PHACTR3: variants seen among roughly 807,000 people sequenced by gnomAD.
The protein encoded by PHACTR3 is phosphatase and actin regulator 3, also known as protein phosphatase 1, regulatory subunit 123.
PHACTR3 carries 16 observed loss-of-function variants against 66.8 expected under a neutral mutation model. The observed-to-expected ratio is 0.24, with a 90% CI of 0.16 to 0.36. The LOEUF (loss-of-function observed/expected upper bound fraction) is 0.36, where lower values mean the gene tolerates loss of function less well. Ranked by LOEUF, PHACTR3 falls within the 10% of genes least tolerant of loss-of-function variation. PHACTR3 has a pLI of 1.00. For synonymous variants in PHACTR3, 323 were observed against 292.1 expected (o/e 1.11, Z -1.08); for missense variants, 647 against 719.9 (o/e 0.90, Z 1.16).
rs569095043 is a variant in PHACTR3 at position 59,833,845 on chromosome 20, A to C, written c.1329-2660A>C. Reference sequence around the variant, plus strand: ...GCAAGGGTGCAATGGGCAGCACAGTAGAGAAGGGGCTGCTGGAAAGAGGCA... The same window carrying C: ...GCAAGGGTGCAATGGGCAGCACAGTCGAGAAGGGGCTGCTGGAAAGAGGCA... On this transcript the variant is annotated intron_variant, in intron 8 of 12. Transcript: ENST00000371015. Among the ~76,000 whole-genome samples the C allele has an allele frequency of 9.2e-5, 14 of 152,358 alleles. No homozygotes were observed. In the South Asian group the frequency reaches 2.9e-3, roughly 32 times the overall value.
chr20:59,628,645 A>C (rs956948265), intron 1 of PHACTR3: 22 of 985,308 alleles, frequency 2.2e-5, no homozygotes, highest in Admixed American at 6.1e-5. Flanking sequence ...GGAGAGGATC[A>C]GTTCATTCTC....
intron 1 of PHACTR3, among the ~76,000 whole-genome samples, chr20:59,661,298 G>A (rs2035795737): frequency 6.6e-6 from 1 of 152,172 alleles, no homozygotes; most frequent in Non-Finnish European, 1.5e-5. Flanking sequence ...TCAGACAGAG[G>A]TCCTGAGCAG....
At chr20:59,618,125 G>C (rs2034101196) in intron 1 of PHACTR3, among the ~76,000 whole-genome samples, 1 of 152,218 alleles carries the variant, frequency 6.6e-6, no homozygotes, top group Non-Finnish European at 1.5e-5. Context: ...GAAAGGGAAA[G>C]GTATGCTAGG....
chr20:59,580,863 GAC>G (rs1188887900), intron 1 of PHACTR3, among the ~76,000 whole-genome samples: 6 of 152,208 alleles, frequency 3.9e-5, no homozygotes, highest in Non-Finnish European at 7.3e-5. Context: ...AAATGGACTA[GAC>G]ACACAGAAGC....
intron 1 of PHACTR3, among the ~76,000 whole-genome samples, chr20:59,708,816 G>A (rs867560064): frequency 3.3e-5 from 5 of 152,200 alleles, no homozygotes; most frequent in African/African-American, 1.2e-4. Context: ...ACAGGGATAG[G>A]ATAACTGCAG....
chr20:59,689,879 C>T (rs971419013), intron 1 of PHACTR3, among the ~76,000 whole-genome samples: 5 of 152,178 alleles, frequency 3.3e-5, no homozygotes, highest in Non-Finnish European at 5.9e-5. Flanking sequence ...CCCCCAGCCA[C>T]ACCAGGAAGG....
At chr20:59,786,675 C>T (rs1568821810) in intron 7 of PHACTR3, among the ~76,000 whole-genome samples, 1 of 151,992 alleles carries the variant, frequency 6.6e-6, no homozygotes, top group Non-Finnish European at 1.5e-5. Flanking sequence ...GTCCATGGAG[C>T]GCTGTCTGTG....
chr20:59,734,967 C>T (rs1459250002), intron 1 of PHACTR3, among the ~76,000 whole-genome samples: 1 of 151,932 alleles, frequency 6.6e-6, no homozygotes, highest in Non-Finnish European at 1.5e-5. Flanking sequence ...TTGATTCTTC[C>T]TGGTGGTTCC....
chr20:59,601,926 T>C (rs1211588149), upstream of PHACTR3, among the ~76,000 whole-genome samples: 1 of 152,190 alleles, frequency 6.6e-6, no homozygotes. Context: ...TTTTATATGT[T>C]TTTAACCCTC....
At chr20:59,704,393 C>T (rs1292558524) in intron 1 of PHACTR3, among the ~76,000 whole-genome samples, 1 of 152,002 alleles carries the variant, frequency 6.6e-6, no homozygotes, top group Non-Finnish European at 1.5e-5. Context: ...AGAAGGTCTC[C>T]ATCACCAAGA....
At chr20:59,632,778 G>A (rs1315145553) in intron 1 of PHACTR3, among the ~76,000 whole-genome samples, 1 of 152,234 alleles carries the variant, frequency 6.6e-6, no homozygotes, top group Admixed American at 6.5e-5. Flanking sequence ...AGGCTGGAAT[G>A]CAAATGCCCA....
At chr20:59,776,036 A>G (rs918316696) in intron 7 of PHACTR3, among the ~76,000 whole-genome samples, 1 of 152,206 alleles carries the variant, frequency 6.6e-6, no homozygotes, top group African/African-American at 2.4e-5. Flanking sequence ...CCAGCTGAGA[A>G]TCACTGGCAT....
At chr20:59,745,517 T>C (rs1273919037) in intron 2 of PHACTR3, among the ~76,000 whole-genome samples, 1 of 152,268 alleles carries the variant, frequency 6.6e-6, no homozygotes, top group Non-Finnish European at 1.5e-5. Flanking sequence ...GGAACAGTGC[T>C]GCATTTTGTT....
intron 1 of PHACTR3, among the ~76,000 whole-genome samples, chr20:59,710,528 T>C (rs1022003178): frequency 6.6e-6 from 1 of 152,176 alleles, no homozygotes; most frequent in Non-Finnish European, 1.5e-5. Context: ...GCACACACTT[T>C]CAAATTTCCC....
At chr20:59,759,402 C>T (rs1276090143) in intron 4 of PHACTR3, among the ~76,000 whole-genome samples, 2 of 152,156 alleles carry the variant, frequency 1.3e-5, no homozygotes, top group Admixed American at 6.5e-5. Context: ...TCCAGATGTG[C>T]AGTTTCTTTT....
At chr20:59,609,903 A>G (rs73301417) in intron 1 of PHACTR3, among the ~76,000 whole-genome samples, 2 of 152,228 alleles carry the variant, frequency 1.3e-5, no homozygotes, top group African/African-American at 2.4e-5. Context: ...AAGAACTCAG[A>G]GCTTTTTTTT....
chr20:59,715,537 T>C (rs904209666), intron 1 of PHACTR3, among the ~76,000 whole-genome samples: 3 of 152,252 alleles, frequency 2.0e-5, no homozygotes, highest in African/African-American at 7.2e-5. Context: ...ATGTTTTCTT[T>C]AGGATTTCTG....
chr20:59,645,740 C>T (rs1050062361), intron 1 of PHACTR3, among the ~76,000 whole-genome samples: 3 of 152,020 alleles, frequency 2.0e-5, no homozygotes, highest in African/African-American at 4.8e-5. Flanking sequence ...TTAATGAAAC[C>T]GTCATGTTTT....
chr20:59,667,997 A>G (rs1206727327), intron 1 of PHACTR3, among the ~76,000 whole-genome samples: 1 of 152,226 alleles, frequency 6.6e-6, no homozygotes, highest in Non-Finnish European at 1.5e-5. Flanking sequence ...TAGTTTTGTA[A>G]AGGTGAGTGT....
Sources: allele counts gnomAD v4.1 joint callset (sites outside exome capture counted in the v4.1 genomes callset), GRCh38; gene constraint gnomAD v4.1.1; transcripts MANE v1.5; gene names NCBI Gene and HGNC (gene_info 2026-07-23, HGNC 2026-07-21).